CERS3: variants seen among roughly 807,000 people sequenced by gnomAD.
The protein encoded by CERS3 is ceramide synthase 3, also known as LAG1 homolog, ceramide synthase 3.
CERS3 carries 33 observed loss-of-function variants against 50.3 expected under a neutral mutation model. The ratio of observed to expected loss-of-function variants is 0.66; its 90% CI spans 0.50 to 0.88. CERS3 has a LOEUF of 0.88. Among genes scored for constraint, CERS3 ranks in the 40% least tolerant of loss-of-function variants. The pLI is 0.00. For missense variants in CERS3, 470 were observed against 460.3 expected (o/e 1.02, Z -0.19); for synonymous variants, 176 against 155.2 (o/e 1.13, Z -0.99).
chr15:100,521,920 G>T (rs2036650991), intron 1 of CERS3, among the ~76,000 whole-genome samples, 164 bp from the exon 2 acceptor site: 1 of 152,116 alleles, frequency 6.6e-6, no homozygotes, highest in South Asian at 2.1e-4. Flanking sequence ...GGTGCATGGG[G>T]CTTTAAAACA....
chr15:100,446,233 A>G lies in CERS3; in HGVS notation c.999+9660T>C, dbSNP rs573025649. ...CTTTTTCAGAGATCACAGAAAAGCT[A>G]TTTAGAACTTTAATAAACTAGAACC... On this transcript the variant is annotated intron_variant, in intron 11 of 11. Transcript: ENST00000679737. 3.9e-5 allele frequency among the ~76,000 whole-genome samples: 6 copies of G among 151,924 alleles called. No individual in the cohort carries two copies. The South Asian group carries it at 1.2e-3, about 32-fold the overall frequency.
chr15:100,482,442 A>G lies in CERS3; in HGVS notation c.407+2108T>C, dbSNP rs61624849. Among the ~76,000 whole-genome samples, 1,189 of 152,124 alleles carry G rather than the reference A, an allele frequency of 7.8e-3. 17 individuals are homozygous for G. Among genetic ancestry groups the G allele is most frequent in the African/African-American group, 0.027 (1,110 of 41,512 alleles). The stretch of plus-strand genomic sequence containing the variant: ...GTGGGCCGTGGACTGCATGGATCAG[A>G]TGAGGGTAAGGCCGCATCCACCCAG... On this transcript the variant is annotated intron_variant, in intron 5 of 11. Transcript: ENST00000679737.
chr15:100,491,915 A>G (rs2035665677), intron 3 of CERS3, among the ~76,000 whole-genome samples: 2 of 147,474 alleles, frequency 1.4e-5, no homozygotes, highest in African/African-American at 5.0e-5. Flanking sequence ...TTAAGAGATG[A>G]GGGTTTTGCT....
chr15:100,523,483 C>T (rs2036696452), intron 1 of CERS3, among the ~76,000 whole-genome samples: 1 of 151,990 alleles, frequency 6.6e-6, no homozygotes, highest in African/African-American at 2.4e-5. Context: ...AAGCAGATCA[C>T]AAGGTCAGGA....
intron 11 of CERS3, among the ~76,000 whole-genome samples, chr15:100,408,122 C>G (rs11638306): frequency 1.3e-5 from 2 of 152,054 alleles, no homozygotes; most frequent in East Asian, 3.9e-4. Flanking sequence ...TCCACCCACC[C>G]TGGCCTCCCA....
chr15:100,445,674 T>G (rs568865054), intron 11 of CERS3, among the ~76,000 whole-genome samples: 3 of 152,230 alleles, frequency 2.0e-5, no homozygotes, highest in African/African-American at 7.2e-5. Context: ...CCGCCCCTAA[T>G]CCCACTCGAA....
At chr15:100,428,969 C>T (rs1187485053) in intron 11 of CERS3, among the ~76,000 whole-genome samples, 1 of 152,154 alleles carries the variant, frequency 6.6e-6, no homozygotes, top group African/African-American at 2.4e-5. Flanking sequence ...AGAGGCCCTG[C>T]GATGTGAGAG....
chr15:100,467,874 G>GATAGATAGATAGATAGATAGATAGAT (rs779460605), intron 10 of CERS3, among the ~76,000 whole-genome samples: 9 of 46,010 alleles, frequency 2.0e-4, no homozygotes, highest in East Asian at 1.1e-3. Context: ...TAGATAGATA[G>GATAGATAGATAGATAGATAGATAGAT]ATAGATATAG....
At chr15:100,450,425 A>G (rs1235036778) in intron 11 of CERS3, among the ~76,000 whole-genome samples, 3 of 150,820 alleles carry the variant, frequency 2.0e-5, no homozygotes, top group Admixed American at 6.6e-5. Flanking sequence ...TCAAAAAAAA[A>G]AAAAAAAAAA....
Position 100,473,191 on chromosome 15 carries a change from A to C in CERS3, c.610-139T>G. Reference sequence around the variant, plus strand: ...ATTTATAAAATGCTTTTACTTCCTAAACACAATCTTTGTGAGGGAGCTAAG... The same window carrying C: ...ATTTATAAAATGCTTTTACTTCCTACACACAATCTTTGTGAGGGAGCTAAG... On this transcript the variant is annotated intron_variant, in intron 8 of 11. Transcript: ENST00000679737. 3 of 889,204 alleles carry C rather than the reference A, an allele frequency of 3.4e-6. No individual in the cohort carries two copies. The South Asian group carries it at 5.3e-5, about 16-fold the overall frequency. 55.1% of individuals were successfully genotyped at this position (889,204 alleles called of 1,614,324 possible). A position where few individuals can be genotyped will look rare whatever the true frequency, so the allele number is the denominator to read the frequency against.
intron 11 of CERS3, among the ~76,000 whole-genome samples, chr15:100,416,624 G>T (rs763110952): frequency 2.0e-5 from 3 of 152,172 alleles, no homozygotes; most frequent in Non-Finnish European, 4.4e-5. Context: ...GGCAGCAGGA[G>T]AGAGAAGAGT....
intron 11 of CERS3, among the ~76,000 whole-genome samples, chr15:100,426,365 A>G (rs2032813126): frequency 2.0e-5 from 3 of 152,244 alleles, no homozygotes; most frequent in South Asian, 2.1e-4. Context: ...ACATTTATAT[A>G]TCAGCTCATA....
chr15:100,428,686 A>G (rs1596643404), intron 11 of CERS3, among the ~76,000 whole-genome samples: 1 of 152,256 alleles, frequency 6.6e-6, no homozygotes, highest in South Asian at 2.1e-4. Context: ...TGTGCAAGAC[A>G]TTGGAGATAT....
upstream of CERS3, chr15:100,529,002 A>C (rs1313006570): frequency 1.3e-5 from 2 of 152,192 alleles, no homozygotes; most frequent in Admixed American, 1.3e-4. Context: ...GAGGGCAGTC[A>C]GTGACGTGAG....
intron 11 of CERS3, among the ~76,000 whole-genome samples, chr15:100,415,102 A>G (rs1452742973): frequency 1.3e-5 from 2 of 152,170 alleles, no homozygotes; most frequent in East Asian, 1.9e-4. Flanking sequence ...AAAAACAAAA[A>G]GTGGGTAAAG....
intron 10 of CERS3, among the ~76,000 whole-genome samples, chr15:100,461,624 T>A (rs2034553263): frequency 6.6e-6 from 1 of 152,206 alleles, no homozygotes; most frequent in Admixed American, 6.5e-5. Flanking sequence ...CCACTACTAC[T>A]TTCCCACAAC....
At chr15:100,483,918 C>T (rs1369182586) in intron 5 of CERS3, among the ~76,000 whole-genome samples, 1 of 150,636 alleles carries the variant, frequency 6.6e-6, no homozygotes, top group Non-Finnish European at 1.5e-5. Flanking sequence ...GTAGCTGGGA[C>T]TACAGGCGCC....
At chr15:100,527,506 G>C (rs1297118236) in intron 1 of CERS3, among the ~76,000 whole-genome samples, 1 of 152,142 alleles carries the variant, frequency 6.6e-6, no homozygotes, top group Non-Finnish European at 1.5e-5. Context: ...TATTATCATA[G>C]CTTCAGGAAT....
At chr15:100,471,166 A>C (rs1377125962) in intron 9 of CERS3, among the ~76,000 whole-genome samples, 2 of 152,220 alleles carry the variant, frequency 1.3e-5, no homozygotes, top group African/African-American at 4.8e-5. Flanking sequence ...ATCATTAGCA[A>C]TATGAAGCTG....
Sources: allele counts gnomAD v4.1 joint callset (sites outside exome capture counted in the v4.1 genomes callset), GRCh38; gene constraint gnomAD v4.1.1; transcripts MANE v1.5; gene names NCBI Gene and HGNC (gene_info 2026-07-23, HGNC 2026-07-21).